The following PTCHD1 variants were observed in gnomAD, a reference collection of about 807,000 sequenced individuals.
PTCHD1 encodes the protein patched domain-containing protein 1.
PTCHD1 carries 3 observed loss-of-function variants against 34.6 expected under a neutral mutation model. The ratio of observed to expected loss-of-function variants is 0.09; its 90% CI spans 0.04 to 0.22. PTCHD1 has a LOEUF of 0.22. Ranked by LOEUF, PTCHD1 falls within the 10% of genes least tolerant of loss-of-function variation. The pLI, the probability that PTCHD1 is intolerant of heterozygous loss-of-function variation, is 1.00. For synonymous variants in PTCHD1, 305 were observed against 283.1 expected (o/e 1.08, Z -0.77); for missense variants, 504 against 685.5 (o/e 0.74, Z 2.96).
rs769318081 is a variant in PTCHD1, at chrX:23,392,845, A to G, written c.1327A>G (p.Lys443Glu). 8.3e-7 allele frequency: 1 copy of G among 1,211,958 alleles called. No individual in the cohort carries two copies. The highest frequency in any genetic ancestry group is 1.1e-6 in the Non-Finnish European group (1 of 895,495). ...NNYQHSIFCR[K>E]VPKPEALQEK... ...TTACCAGCATAGTATCTTCTGTAGA[A>G]AAGTCCCAAAGCCTGAGGCATTGCA... The change falls in exon 3 of 3, where the codon AAA becomes GAA. Residue 443 changes from lysine to glutamate, a missense_variant. By Grantham distance (56) the Lys-to-Glu change is moderately conservative (BLOSUM62 1). Coordinates refer to ENST00000379361, the MANE Select transcript of PTCHD1 (RefSeq NM_173495.3).
chrX:23,373,992 T>A (rs780146894), intron 1 of PTCHD1, among the ~76,000 whole-genome samples: 233 of 111,487 alleles, frequency 2.1e-3, no homozygotes, highest in African/African-American at 6.8e-3. Flanking sequence ...TACATTTTTT[T>A]AATGTATGCA....
At chrX:23,372,160 G>A (rs560527190) in intron 1 of PTCHD1, among the ~76,000 whole-genome samples, 2 of 110,418 alleles carry the variant, frequency 1.8e-5, no homozygotes, top group African/African-American at 6.6e-5. Context: ...AAAGATGATG[G>A]TGATGGGCAA....
chrX:23,364,764 G>C lies in PTCHD1; in HGVS notation c.352-14827G>C, dbSNP rs779857519. Among the ~76,000 whole-genome samples, 9 of 112,316 alleles carry C rather than the reference G, an allele frequency of 8.0e-5. 1 individual carries two copies. In the South Asian group the frequency reaches 3.3e-3, roughly 41 times the overall value. ...AAGATAGGGACTTTCATCCAACTTG[G>C]GCAATATTCCAGCATTTGCTGTCAA... On this transcript the variant is annotated intron_variant, in intron 1 of 2. Coordinates refer to ENST00000379361, the MANE Select transcript of PTCHD1 (RefSeq NM_173495.3).
chrX:23,401,237 G>A lies in PTCHD1; in HGVS notation c.*7052G>A, dbSNP rs1923116522. The A allele has an allele frequency of 8.9e-6, 1 of 112,385 alleles. No individual in the cohort carries two copies. Among genetic ancestry groups the A allele is most frequent in the Non-Finnish European group, 1.9e-5 (1 of 53,280 alleles). The allele number at this position is 112,385 out of a possible 1,213,427, so 9.3% of individuals were successfully genotyped here. A position where few individuals can be genotyped will look rare whatever the true frequency, so the allele number is the denominator to read the frequency against. On this transcript the variant is annotated 3_prime_UTR_variant, in exon 3 of 3. Coordinates refer to ENST00000379361, the MANE Select transcript of PTCHD1 (RefSeq NM_173495.3). Reference sequence around the variant, plus strand: ...TGTCTAATTCCTGCAAAATGGCAAAGACCCAGCCCATTTCCATTACTCATT... The same window carrying A: ...TGTCTAATTCCTGCAAAATGGCAAAAACCCAGCCCATTTCCATTACTCATT...
rs917482552 is a variant in PTCHD1, at chrX:23,357,573, T to G, written c.352-22018T>G. ...CTCCTACTGACTCCTGAAATCTGACTGGCCACATCTTTTCCAAACTCCCAC... is the reference window on the plus strand; with the variant it reads ...CTCCTACTGACTCCTGAAATCTGACGGGCCACATCTTTTCCAAACTCCCAC... On this transcript the variant is annotated intron_variant, in intron 1 of 2. Transcript: ENST00000379361. 4.5e-5 allele frequency among the ~76,000 whole-genome samples: 5 copies of G among 111,529 alleles called. No homozygotes were observed. The East Asian group carries it at 1.4e-3, about 31-fold the overall frequency.
rs1219081926 is a variant in PTCHD1, at chrX:23,394,715, T to C, written c.*530T>C. The C allele has an allele frequency of 8.7e-6, 1 of 114,638 alleles. No homozygotes were observed. The highest frequency in any genetic ancestry group is 1.8e-5 in the Non-Finnish European group (1 of 54,533). The allele number at this position is 114,638 out of a possible 1,213,427, so 9.4% of individuals were successfully genotyped here. ...CCTAGCTCCCTAACACTGAAGGAGATACTTGTGAAAGTTCTGACCAGCAAA... is the reference window on the plus strand; with the variant it reads ...CCTAGCTCCCTAACACTGAAGGAGACACTTGTGAAAGTTCTGACCAGCAAA... On this transcript the variant is annotated 3_prime_UTR_variant, in exon 3 of 3. Transcript: ENST00000379361.
At position 23,335,032 on chromosome X, in the gene PTCHD1, G is replaced by A. The variant is rs1358137007; in HGVS notation, c.157G>A (p.Glu53Lys). ...CCGCTACCAGGTCGAGGAGAGCGTG[G>A]AGCACCTGCTGGCGCCCCAGCACAG... ...FSRYQVEESV[E>K]HLLAPQHSLA... The change falls in exon 1 of 3, where the codon GAG becomes AAG. Residue 53 changes from glutamate to lysine, a missense_variant. By Grantham distance (56) the Glu-to-Lys change is moderately conservative. Coordinates refer to ENST00000379361, the MANE Select transcript of PTCHD1 (RefSeq NM_173495.3). 1 of 1,211,308 alleles carries A rather than the reference G, an allele frequency of 8.3e-7. No homozygotes were observed. The highest frequency in any genetic ancestry group is 2.2e-5 in the Admixed American group (1 of 46,104).
chrX:23,340,638 CAAGAG>C (rs1344225744), intron 1 of PTCHD1, among the ~76,000 whole-genome samples: 1 of 112,241 alleles, frequency 8.9e-6, no homozygotes, highest in Non-Finnish European at 1.9e-5. Context: ...TATAAAATGA[CAAGAG>C]AAGAGCTTGT....
chrX:23,389,650 G>C (rs191833986), intron 2 of PTCHD1, among the ~76,000 whole-genome samples: 1 of 111,859 alleles, frequency 8.9e-6, no homozygotes. Context: ...TGAGTGATCG[G>C]TTAGAACAAA....
intron 1 of PTCHD1, among the ~76,000 whole-genome samples, chrX:23,368,949 A>G (rs1922212125): frequency 9.0e-6 from 1 of 111,101 alleles, no homozygotes; most frequent in Non-Finnish European, 1.9e-5. Context: ...CTGTAATTCC[A>G]GCTACTCGGG....
At chrX:23,363,223 G>A (rs1406066401) in intron 1 of PTCHD1, among the ~76,000 whole-genome samples, 3 of 112,890 alleles carry the variant, frequency 2.7e-5, no homozygotes, top group Non-Finnish European at 5.6e-5. Context: ...GAAGCTGTCT[G>A]CTGCCTTTTG....
At chrX:23,389,670 A>G (rs1385950566) in intron 2 of PTCHD1, among the ~76,000 whole-genome samples, 1 of 111,742 alleles carries the variant, frequency 8.9e-6, no homozygotes, top group Non-Finnish European at 1.9e-5. Flanking sequence ...ATTCTTTCTC[A>G]GGGCCTCTTC....
chrX:23,389,032 A>C (rs1448979198), intron 2 of PTCHD1, among the ~76,000 whole-genome samples: 1 of 111,801 alleles, frequency 8.9e-6, no homozygotes, highest in Non-Finnish European at 1.9e-5. Flanking sequence ...CGTCTCTGTG[A>C]AATTCTCCTA....
intron 1 of PTCHD1, among the ~76,000 whole-genome samples, chrX:23,337,159 C>T (rs1390018912): frequency 1.8e-5 from 2 of 111,991 alleles, no homozygotes; most frequent in Admixed American, 9.4e-5. Flanking sequence ...ACTGGAGAGA[C>T]GGAGGCTTGG....
intron 1 of PTCHD1, among the ~76,000 whole-genome samples, chrX:23,361,442 G>A (rs1364296532): frequency 1.8e-5 from 2 of 111,449 alleles, no homozygotes; most frequent in African/African-American, 3.3e-5. Flanking sequence ...TTGGTTTAAA[G>A]TCTGTTTTAT....
At chrX:23,335,798 T>C (rs1921154834) in intron 1 of PTCHD1, among the ~76,000 whole-genome samples, 1 of 111,295 alleles carries the variant, frequency 9.0e-6, no homozygotes. Flanking sequence ...GAAAGAAGTG[T>C]GGTCTCTGGC....
intron 1 of PTCHD1, among the ~76,000 whole-genome samples, chrX:23,372,666 A>G (rs1284799524): frequency 9.0e-6 from 1 of 111,416 alleles, no homozygotes; most frequent in African/African-American, 3.3e-5. Context: ...ATCTTGTAAC[A>G]GCTGTTGCCT....
chrX:23,340,416 T>C (rs1410474086), intron 1 of PTCHD1, among the ~76,000 whole-genome samples: 2 of 104,438 alleles, frequency 1.9e-5, no homozygotes, highest in East Asian at 6.5e-4. Context: ...TATAACTGCT[T>C]GAATGACGAA....
Position 23,402,941 on chromosome X carries a change from T to C in PTCHD1, c.*8756T>C, listed in dbSNP as rs889679121. The C allele has an allele frequency of 8.0e-5, 9 of 112,468 alleles. No homozygotes were observed. The highest frequency in any genetic ancestry group is 2.7e-4 in the East Asian group (1 of 3,642). 9.3% of individuals were successfully genotyped at this position (112,468 alleles called of 1,213,427 possible). A position where few individuals can be genotyped will look rare whatever the true frequency, so the allele number is the denominator to read the frequency against. On this transcript the variant is annotated 3_prime_UTR_variant, in exon 3 of 3. Transcript: ENST00000379361. ...TGTTGCTTTAACAGTCCAATTGTAG[T>C]AGGTGAGAAAACAAAAAAGAAGAGA...
Sources: gnomAD v4.1 joint callset for allele counts (sites outside exome capture counted in the v4.1 genomes callset) on GRCh38, gnomAD v4.1.1 for gene constraint, MANE v1.5 for transcripts, NCBI Gene and HGNC (gene_info 2026-07-23, HGNC 2026-07-21) for gene names.